Variants in CERT1 observed in about 807,000 individuals in gnomAD.
The protein encoded by CERT1 is ceramide transfer protein.
A neutral mutation model predicts 87.9 loss-of-function variants in CERT1; 31 were observed. The ratio of observed to expected loss-of-function variants is 0.35; its 90% CI spans 0.27 to 0.48. The LOEUF (loss-of-function observed/expected upper bound fraction) is 0.48, where lower values mean the gene tolerates loss of function less well. Ranked by LOEUF, CERT1 falls within the 20% of genes least tolerant of loss-of-function variation. The probability of loss-of-function intolerance (pLI) is 0.99; values close to 1 mark genes in which losing one functional copy is unlikely to be tolerated. For missense variants in CERT1, 487 were observed against 758.0 expected, an observed-to-expected ratio of 0.64 and a Z score of 4.20; for synonymous variants, 289 against 250.9, an observed-to-expected ratio of 1.15 and a Z score of -1.44.
chr5:75,450,693 T>G (rs995242317), intron 3 of CERT1, among the ~76,000 whole-genome samples: 3 of 152,182 alleles, frequency 2.0e-5, no homozygotes, highest in African/African-American at 4.8e-5. Flanking sequence ...TCCCTTATCT[T>G]AACCCAGCCA....
intron 11 of CERT1, among the ~76,000 whole-genome samples, chr5:75,393,398 T>C (rs973480948): frequency 2.6e-5 from 4 of 151,516 alleles, no homozygotes; most frequent in African/African-American, 9.7e-5. Context: ...TCACTCAGTA[T>C]GATGCCATTT....
At chr5:75,488,615 T>C (rs1035881866) in intron 2 of CERT1, among the ~76,000 whole-genome samples, 3 of 152,162 alleles carry the variant, frequency 2.0e-5, no homozygotes, top group Non-Finnish European at 4.4e-5. Flanking sequence ...GACTACTTGG[T>C]TGGACATAAA....
intron 2 of CERT1, among the ~76,000 whole-genome samples, chr5:75,488,996 C>T (rs1394864209): frequency 1.3e-5 from 2 of 152,114 alleles, no homozygotes; most frequent in South Asian, 4.1e-4. Flanking sequence ...TGACTTCAAA[C>T]TATACTACAA....
At chr5:75,486,437 A>G (rs920666931) in intron 2 of CERT1, among the ~76,000 whole-genome samples, 2 of 152,132 alleles carry the variant, frequency 1.3e-5, no homozygotes, top group South Asian at 2.1e-4. Flanking sequence ...GATCTGAAAG[A>G]CAAAGATGTT....
At chr5:75,391,707 T>C (rs1486420229) in intron 11 of CERT1, among the ~76,000 whole-genome samples, 6 of 152,222 alleles carry the variant, frequency 3.9e-5, no homozygotes, top group Admixed American at 6.5e-5. Context: ...TATGCATAAA[T>C]AAAAGTAGCA....
At chr5:75,495,674 T>C (rs1259968265) in intron 2 of CERT1, among the ~76,000 whole-genome samples, 1 of 152,210 alleles carries the variant, frequency 6.6e-6, no homozygotes, top group Non-Finnish European at 1.5e-5. Context: ...CAGCAAGTTT[T>C]AAATTTAAGG....
At chr5:75,404,917 T>C (rs1051406480) in intron 8 of CERT1, among the ~76,000 whole-genome samples, 3 of 151,978 alleles carry the variant, frequency 2.0e-5, no homozygotes, top group African/African-American at 7.2e-5. Context: ...GGAGGCACAA[T>C]AATTGCTTGA....
At chr5:75,382,613 A>G (rs1761630434) in intron 14 of CERT1, among the ~76,000 whole-genome samples, 1 of 152,062 alleles carries the variant, frequency 6.6e-6, no homozygotes, top group African/African-American at 2.4e-5. Flanking sequence ...TATGGGAATG[A>G]CATGGAGCCT....
chr5:75,415,313 T>C (rs1208840941), intron 7 of CERT1, among the ~76,000 whole-genome samples: 1 of 152,126 alleles, frequency 6.6e-6, no homozygotes. Flanking sequence ...TAAAACACAG[T>C]AGTGTCCAGA....
intron 3 of CERT1, among the ~76,000 whole-genome samples, chr5:75,455,372 C>T (rs950045210): frequency 1.3e-5 from 2 of 152,108 alleles, no homozygotes; most frequent in South Asian, 4.1e-4. Context: ...TTTGTAGAAT[C>T]CCGAAGCACA....
intron 3 of CERT1, among the ~76,000 whole-genome samples, chr5:75,439,643 C>G (rs1764237945): frequency 6.6e-6 from 1 of 151,944 alleles, no homozygotes; most frequent in Non-Finnish European, 1.5e-5. Context: ...AAATAAAATT[C>G]TGAAACCCGT....
intron 8 of CERT1, among the ~76,000 whole-genome samples, chr5:75,407,258 T>G (rs1308130578): frequency 6.6e-6 from 1 of 152,058 alleles, no homozygotes; most frequent in Non-Finnish European, 1.5e-5. Context: ...ATCATTATTT[T>G]AAAAACTCCA....
In CERT1 at chr5:75,502,173, G is replaced by T. The variant is rs569006958; in HGVS notation, c.231+3809C>A. Among the ~76,000 whole-genome samples, 5 of 152,074 alleles carry T rather than the reference G, an allele frequency of 3.3e-5. No individual in the cohort carries two copies. The South Asian group carries it at 6.2e-4, about 19-fold the overall frequency. On this transcript the variant is annotated intron_variant, in intron 2 of 16. Coordinates refer to ENST00000643780, the MANE Select transcript of CERT1 (RefSeq NM_001379029.1). ...GCATAAGCAATTGGAAAAGGAAAAAGAAATAAAAATGGGCTATAAATTATT... is the reference window on the plus strand; with the variant it reads ...GCATAAGCAATTGGAAAAGGAAAAATAAATAAAAATGGGCTATAAATTATT...
intron 3 of CERT1, among the ~76,000 whole-genome samples, chr5:75,456,686 A>G (rs1580796279): frequency 7.3e-6 from 1 of 137,762 alleles, no homozygotes; most frequent in African/African-American, 2.9e-5. Flanking sequence ...AAAAAAAAAA[A>G]GAAAGGGCAA....
chr5:75,388,501 T>C lies in CERT1; in HGVS notation c.1284+1091A>G, dbSNP rs1403324305. Reference sequence around the variant, plus strand: ...CTGCATTGTAAAACAATCTAATTGTTTCAAATCACAGAGATCTTTCTTTTC... The same window carrying C: ...CTGCATTGTAAAACAATCTAATTGTCTCAAATCACAGAGATCTTTCTTTTC... On this transcript the variant is annotated intron_variant, in intron 12 of 16. Coordinates refer to ENST00000643780, the MANE Select transcript of CERT1 (RefSeq NM_001379029.1). Among the ~76,000 whole-genome samples, 4 of 150,912 alleles carry C rather than the reference T, an allele frequency of 2.7e-5. No homozygotes were observed. The East Asian group carries it at 7.8e-4, about 29-fold the overall frequency.
At chr5:75,479,042 G>A (rs1766107814) in intron 2 of CERT1, among the ~76,000 whole-genome samples, 1 of 150,734 alleles carries the variant, frequency 6.6e-6, no homozygotes, top group Non-Finnish European at 1.5e-5. Flanking sequence ...GTACAGTAAT[G>A]GATTATAACA....
intron 7 of CERT1, among the ~76,000 whole-genome samples, chr5:75,415,877 T>C (rs1397163000): frequency 6.6e-6 from 1 of 152,068 alleles, no homozygotes; most frequent in Non-Finnish European, 1.5e-5. Context: ...GATAATAAAT[T>C]TTCTATACCT....
chr5:75,405,682 A>G (rs1020909907), intron 8 of CERT1, among the ~76,000 whole-genome samples: 2 of 152,204 alleles, frequency 1.3e-5, no homozygotes, highest in Non-Finnish European at 2.9e-5. Flanking sequence ...TTTATATACA[A>G]TAAGATATTT....
chr5:75,487,948 C>A (rs1338571921), intron 2 of CERT1, among the ~76,000 whole-genome samples: 2 of 151,894 alleles, frequency 1.3e-5, no homozygotes, highest in Non-Finnish European at 1.5e-5. Flanking sequence ...TGAAATAAGC[C>A]AGGCACAGAA....
Sources: allele counts gnomAD v4.1 joint callset (sites outside exome capture counted in the v4.1 genomes callset), GRCh38; gene constraint gnomAD v4.1.1; transcripts MANE v1.5; gene names NCBI Gene and HGNC (gene_info 2026-07-23, HGNC 2026-07-21).